The following EVI5 variants were observed in gnomAD, a reference collection of about 807,000 sequenced individuals.
The protein encoded by EVI5 is ecotropic viral integration site 5.
Under a neutral mutation model 112.0 loss-of-function variants are expected in EVI5, and 73 were observed. The ratio of observed to expected loss-of-function variants is 0.65; its 90% confidence interval spans 0.54 to 0.79. The LOEUF (loss-of-function observed/expected upper bound fraction) is 0.79, where lower values mean the gene tolerates loss of function less well. EVI5 is among the 30% of genes least tolerant of loss of function. The pLI is 0.00. For missense variants in EVI5, 900 were observed against 968.8 expected (o/e 0.93, Z 0.94); for synonymous variants, 305 against 319.9 (o/e 0.95, Z 0.50).
chr1:92,624,294 G>T lies in EVI5; in HGVS notation c.1709C>A (p.Pro570His). 1 of 1,613,294 alleles carries T rather than the reference G, an allele frequency of 6.2e-7. No homozygotes were observed. Among genetic ancestry groups the T allele is most frequent in the South Asian group, 1.1e-5 (1 of 91,044 alleles). Residue 570 changes from proline (P) to histidine (H), a missense_variant, in exon 16 of 20, where the codon CCC becomes CAC. Pro to His is a moderately conservative substitution (Grantham distance 77). Transcript: ENST00000684568. The stretch of plus-strand genomic sequence containing the variant: ...TAACTCATTCATAGCATTTTTCTTG[G>T]GTGGGTCTTTCCATCTCCCAGTAGT... ...ARTTGRWKDPPKKNAMNELQD... is the reference protein window; with the variant it reads ...ARTTGRWKDPHKKNAMNELQD...
At chr1:92,739,005 C>T (rs1045428784) in intron 1 of EVI5, among the ~76,000 whole-genome samples, 3 of 152,060 alleles carry the variant, frequency 2.0e-5, no homozygotes, top group Admixed American at 6.6e-5. Flanking sequence ...GGCACGGTGG[C>T]TCACACCTGT....
At chr1:92,613,248 G>C (rs1271377080) in intron 16 of EVI5, among the ~76,000 whole-genome samples, 1 of 152,122 alleles carries the variant, frequency 6.6e-6, no homozygotes, top group African/African-American at 2.4e-5. Context: ...AAACACACCA[G>C]ATCAAAGGAC....
At chr1:92,561,550 ACTGACTATCTATCTATCTAT>A (rs1324266253) in intron 19 of EVI5, among the ~76,000 whole-genome samples, 444 of 35,940 alleles carry the variant, frequency 0.012, no homozygotes, top group Non-Finnish European at 0.021. Flanking sequence ...TCCTGATGAG[ACTGACTATCTATCTATCTAT>A]CTATCTATCT....
intron 19 of EVI5, among the ~76,000 whole-genome samples, chr1:92,563,428 G>A (rs1407467327): frequency 2.0e-5 from 3 of 152,052 alleles, no homozygotes; most frequent in Non-Finnish European, 4.4e-5. Flanking sequence ...ATCATTCTAG[G>A]TCATGCTAAT....
At chr1:92,715,343 C>T (rs1272858873) in intron 2 of EVI5, among the ~76,000 whole-genome samples, 1 of 152,144 alleles carries the variant, frequency 6.6e-6, no homozygotes, top group Non-Finnish European at 1.5e-5. Context: ...ACACACGCGA[C>T]TCAAAATTTG....
intron 1 of EVI5, among the ~76,000 whole-genome samples, chr1:92,767,155 A>G (rs1682758657): frequency 1.3e-5 from 2 of 152,030 alleles, no homozygotes; most frequent in Non-Finnish European, 2.9e-5. Flanking sequence ...CACCTGGGAC[A>G]TGAACCATCA....
chr1:92,782,672 G>A (rs1350901502), intron 1 of EVI5, among the ~76,000 whole-genome samples: 1 of 152,040 alleles, frequency 6.6e-6, no homozygotes, highest in Non-Finnish European at 1.5e-5. Flanking sequence ...TTGGGAAAAT[G>A]TTCAACAATT....
intron 9 of EVI5, among the ~76,000 whole-genome samples, chr1:92,689,293 C>G (rs188832973): frequency 6.6e-6 from 1 of 151,924 alleles, no homozygotes; most frequent in Admixed American, 6.6e-5. Flanking sequence ...TAATAATGCC[C>G]CCTGCTACTG....
At chr1:92,571,358 G>A (rs997560780) in intron 18 of EVI5, among the ~76,000 whole-genome samples, 1 of 151,750 alleles carries the variant, frequency 6.6e-6, no homozygotes, top group Non-Finnish European at 1.5e-5. Flanking sequence ...GGACCAGTTA[G>A]AAAGCTCTGA....
chr1:92,727,385 G>T (rs1384467662), intron 2 of EVI5, among the ~76,000 whole-genome samples: 1 of 152,086 alleles, frequency 6.6e-6, no homozygotes, highest in Admixed American at 6.6e-5. Context: ...CTCATAAAAG[G>T]TTTGGCCATC....
chr1:92,688,758 C>T (rs1325472901), intron 9 of EVI5, among the ~76,000 whole-genome samples: 3 of 152,170 alleles, frequency 2.0e-5, no homozygotes, highest in South Asian at 2.1e-4. Flanking sequence ...TGAAGACATA[C>T]GGGTTAGGTA....
intron 19 of EVI5, among the ~76,000 whole-genome samples, chr1:92,535,469 T>C (rs191418745): frequency 2.2e-4 from 34 of 152,306 alleles, no homozygotes; most frequent in African/African-American, 8.2e-4. Flanking sequence ...ACATGTTTAC[T>C]GCGGCACTGT....
intron 18 of EVI5, among the ~76,000 whole-genome samples, chr1:92,583,882 A>G (rs1265852698): frequency 3.9e-5 from 6 of 152,274 alleles, no homozygotes; most frequent in African/African-American, 1.4e-4. Context: ...TAACATTTAC[A>G]ACATGGGTTA....
chr1:92,554,230 C>T (rs1667371412), intron 19 of EVI5, among the ~76,000 whole-genome samples: 1 of 152,180 alleles, frequency 6.6e-6, no homozygotes, highest in Admixed American at 6.5e-5. Context: ...GTTAGGTTCT[C>T]ATCTGAGAGA....
At chr1:92,710,386 C>G (rs1672674560) in intron 2 of EVI5, among the ~76,000 whole-genome samples, 1 of 151,954 alleles carries the variant, frequency 6.6e-6, no homozygotes, top group African/African-American at 2.4e-5. Flanking sequence ...AATAATTCAC[C>G]TCACTTCCCA....
intron 13 of EVI5, among the ~76,000 whole-genome samples, chr1:92,638,719 T>C (rs1013338323): frequency 1.2e-4 from 19 of 152,164 alleles, no homozygotes; most frequent in Non-Finnish European, 1.9e-4. Flanking sequence ...GTCTTACTAA[T>C]AAGGAAACTA....
At chr1:92,750,554 A>T (rs1680020805) in intron 1 of EVI5, among the ~76,000 whole-genome samples, 1 of 152,208 alleles carries the variant, frequency 6.6e-6, no homozygotes. Flanking sequence ...TGAGAAATTC[A>T]TGCACATATG....
chr1:92,609,021 G>A (rs985969453), intron 16 of EVI5, among the ~76,000 whole-genome samples: 3 of 152,152 alleles, frequency 2.0e-5, no homozygotes, highest in Admixed American at 1.3e-4. Flanking sequence ...AATGCTAGCT[G>A]TTTATTGTAT....
chr1:92,583,151 T>C (rs973326541), intron 18 of EVI5, among the ~76,000 whole-genome samples: 4 of 152,136 alleles, frequency 2.6e-5, no homozygotes, highest in Non-Finnish European at 5.9e-5. Context: ...TTCCAGAGTA[T>C]AAATATACTA....
Sources: gnomAD v4.1 joint callset for allele counts (sites outside exome capture counted in the v4.1 genomes callset) on GRCh38, gnomAD v4.1.1 for gene constraint, MANE v1.5 for transcripts, NCBI Gene and HGNC (gene_info 2026-07-23, HGNC 2026-07-21) for gene names.